ZMYND8: variants seen among roughly 807,000 people sequenced by gnomAD.
ZMYND8 encodes MYND-type zinc finger-containing chromatin reader ZMYND8.
In ZMYND8, 37 loss-of-function variants were observed where a neutral mutation model predicts 140.8. That is an observed-to-expected ratio of 0.26 (90% CI 0.20 to 0.35). ZMYND8 has a LOEUF of 0.35. Among genes scored for constraint, ZMYND8 ranks in the 10% least tolerant of loss-of-function variants. ZMYND8 has a pLI of 1.00. For missense variants in ZMYND8, 1,068 were observed against 1,570.0 expected (o/e 0.68, Z 5.40); for synonymous variants, 592 against 597.1 (o/e 0.99, Z 0.12).
rs565856884 is a variant in ZMYND8 at position 47,337,433 on chromosome 20, G to A, written c.85+10423C>T. On this transcript the variant is annotated intron_variant, in intron 2 of 22. Coordinates refer to ENST00000471951, the MANE Select transcript of ZMYND8 (RefSeq NM_001281775.3). ...TGTAAACCTAGCACTTTGGAAAGCC[G>A]AGGTAGGTGGATCCCTTGAGCCCAC... 2.4e-3 allele frequency among the ~76,000 whole-genome samples: 372 copies of A among 152,272 alleles called. 4 individuals carry two copies. The highest frequency in any genetic ancestry group is 8.4e-3 in the African/African-American group (351 of 41,562).
At chr20:47,215,571 C>A (rs892331487) in intron 21 of ZMYND8, among the ~76,000 whole-genome samples, 1 of 150,616 alleles carries the variant, frequency 6.6e-6, no homozygotes, top group Non-Finnish European at 1.5e-5. Flanking sequence ...AGTGGCTATT[C>A]ACAGGCACTC....
intron 3 of ZMYND8, among the ~76,000 whole-genome samples, chr20:47,299,916 A>G (rs1233486216): frequency 6.6e-6 from 1 of 152,182 alleles, no homozygotes; most frequent in African/African-American, 2.4e-5. Flanking sequence ...CCCAATACAT[A>G]AAGCATTTAT....
chr20:47,303,782 G>A (rs575105542), intron 3 of ZMYND8, among the ~76,000 whole-genome samples: 17 of 151,884 alleles, frequency 1.1e-4, no homozygotes, highest in South Asian at 8.3e-4. Flanking sequence ...GATAGTAGCC[G>A]AGGTACTGAT....
intron 2 of ZMYND8, chr20:47,318,937 G>A (rs2079657729): frequency 1.5e-6 from 2 of 1,349,714 alleles, no homozygotes; most frequent in Non-Finnish European, 2.0e-6. Context: ...GGAACGCCAA[G>A]AGGAGGCACT....
In ZMYND8 at chr20:47,230,293, G is replaced by T. The variant is rs376257817; in HGVS notation, c.2857-487C>A. On this transcript the variant is annotated intron_variant, in intron 16 of 22. Coordinates refer to ENST00000471951, the MANE Select transcript of ZMYND8 (RefSeq NM_001281775.3). ...CCCCCAGATGTGTGGTGTTTTTTTT[G>T]TTGTTTTTTTTTTTTTAAGATGGAG... Among the ~76,000 whole-genome samples, 1,436 of 150,468 alleles carry T rather than the reference G, an allele frequency of 9.5e-3. 27 individuals are homozygous for T. Among genetic ancestry groups the T allele is most frequent in the African/African-American group, 0.033 (1,353 of 40,892 alleles).
intron 2 of ZMYND8, among the ~76,000 whole-genome samples, chr20:47,312,682 T>TG (rs2079027185): frequency 6.6e-6 from 1 of 150,766 alleles, no homozygotes; most frequent in South Asian, 2.1e-4. Context: ...CCCAGCTACT[T>TG]GGGAGGCTGG....
At chr20:47,334,595 G>GA (rs58024466) in intron 2 of ZMYND8, among the ~76,000 whole-genome samples, 377 of 139,256 alleles carry the variant, frequency 2.7e-3, no homozygotes, top group African/African-American at 6.2e-3. Context: ...ACAACTCTGT[G>GA]AAAAAAAAAA....
At chr20:47,268,179 G>T (rs1289193081) in intron 11 of ZMYND8, among the ~76,000 whole-genome samples, 1 of 152,064 alleles carries the variant, frequency 6.6e-6, no homozygotes, top group Non-Finnish European at 1.5e-5. Context: ...CAATGACGAG[G>T]CCGGTCGCAG....
In ZMYND8 at chr20:47,268,185, C is replaced by T. The variant is rs147611999; in HGVS notation, c.1481-5757G>A. 1.6e-3 allele frequency among the ~76,000 whole-genome samples: 243 copies of T among 152,036 alleles called. 2 individuals are homozygous for T. Among genetic ancestry groups the T allele is most frequent in the African/African-American group, 5.7e-3 (237 of 41,478 alleles). On this transcript the variant is annotated intron_variant, in intron 11 of 22. Transcript: ENST00000471951. ...ATAAACAAACAATGACGAGGCCGGT[C>T]GCAGTGAGTCTCGACTGGTCCAACA...
At chr20:47,229,146 T>C (rs528134349) in intron 17 of ZMYND8, among the ~76,000 whole-genome samples, 1 of 151,306 alleles carries the variant, frequency 6.6e-6, no homozygotes, top group Admixed American at 6.6e-5. Context: ...CATCTCCTGC[T>C]TGTTTTTTTA....
chr20:47,269,406 G>A (rs1269144641), intron 11 of ZMYND8, among the ~76,000 whole-genome samples: 1 of 152,124 alleles, frequency 6.6e-6, no homozygotes, highest in African/African-American at 2.4e-5. Context: ...AACCTGCTTC[G>A]AATCACTCCA....
rs754326256 is a variant in ZMYND8 at position 47,298,500 on chromosome 20, C to T, written c.453+229G>A. On this transcript the variant is annotated intron_variant, in intron 4 of 22. Transcript: ENST00000471951. This position sits in a 1 kb window ranked among gnomAD's most constrained non-coding sequence, Gnocchi z 5.0. The stretch of plus-strand genomic sequence containing the variant: ...TACAGATCTCCAAGGAATCCAAGGA[C>T]TCATGAGAAATCAGAAATAATATTC... The T allele has an allele frequency of 1.2e-4, 115 of 985,282 alleles. No individual in the cohort carries two copies. The highest frequency in any genetic ancestry group is 1.3e-4 in the Non-Finnish European group (109 of 829,940). 61.0% of individuals were successfully genotyped at this position (985,282 alleles called of 1,614,324 possible). A position where few individuals can be genotyped will look rare whatever the true frequency, so the allele number is the denominator to read the frequency against.
intron 1 of ZMYND8, chr20:47,349,777 AG>A: frequency 6.6e-7 from 1 of 1,509,402 alleles, no homozygotes; most frequent in Non-Finnish European, 8.9e-7. Flanking sequence ...TTTGAGTAAT[AG>A]AGAAAACGCT....
rs1405834931 is a variant in ZMYND8 at position 47,236,482 on chromosome 20, G to C, written c.2700C>G (p.Ser900=). 3 of 1,603,866 alleles carry C rather than the reference G, an allele frequency of 1.9e-6. No homozygotes were observed. The highest frequency in any genetic ancestry group is 2.7e-5 in the African/African-American group (2 of 74,724). ...TGGTCACCAGGGTGATGGTGGACGT[G>C]GATGGGCTCTGTGTGATCTCCTTCT... is the stretch of plus-strand genomic sequence containing the variant. ...VQQKEITQSP[S]TSTITLVTST... The change falls in exon 16 of 23, where the codon TCC becomes TCG. Residue 900 remains serine, a synonymous_variant. Transcript: ENST00000471951.
At chr20:47,226,580 G>A (rs1316629668) in intron 18 of ZMYND8, among the ~76,000 whole-genome samples, 1 of 152,178 alleles carries the variant, frequency 6.6e-6, no homozygotes, top group Non-Finnish European at 1.5e-5. Context: ...CTGTGGCCGT[G>A]TGACTTTGAA....
chr20:47,297,711 CA>C (rs1317590953), intron 4 of ZMYND8, among the ~76,000 whole-genome samples: 1 of 152,160 alleles, frequency 6.6e-6, no homozygotes, highest in African/African-American at 2.4e-5. Flanking sequence ...AATCATGAGC[CA>C]CCACGCTCAG....
At chr20:47,233,926 T>C (rs2038880657) in intron 16 of ZMYND8, among the ~76,000 whole-genome samples, 1 of 152,178 alleles carries the variant, frequency 6.6e-6, no homozygotes. Flanking sequence ...TTTGTGCCCA[T>C]CTGTAATCCC....
At chr20:47,313,887 C>T (rs919236046) in intron 2 of ZMYND8, among the ~76,000 whole-genome samples, 4 of 151,432 alleles carry the variant, frequency 2.6e-5, no homozygotes, top group African/African-American at 7.3e-5. Context: ...GAGCTGAGAT[C>T]GCACGACTGC....
chr20:47,285,802 C>A lies in ZMYND8; in HGVS notation c.804+1427G>T, dbSNP rs891642786. 3.0e-6 allele frequency: 3 copies of A among 984,698 alleles called. No individual in the cohort carries two copies. In the Admixed American group the frequency reaches 1.8e-4, roughly 61 times the overall value. 61.0% of individuals were successfully genotyped at this position (984,698 alleles called of 1,614,324 possible). A position where few individuals can be genotyped will look rare whatever the true frequency, so the allele number is the denominator to read the frequency against. On this transcript the variant is annotated intron_variant, in intron 8 of 22. Transcript: ENST00000471951. ...TAATACTATACAGCCATGAAAAATT[C>A]TGTTCTTCCTACGAGTTTAATTACC... is the stretch of plus-strand genomic sequence containing the variant.
Sources: gnomAD v4.1 joint callset for allele counts (sites outside exome capture counted in the v4.1 genomes callset) on GRCh38, gnomAD v4.1.1 for gene constraint, Gnocchi (gnomAD v3.1) non-coding constraint, MANE v1.5 for transcripts, NCBI Gene and HGNC (gene_info 2026-07-23, HGNC 2026-07-21) for gene names.